Variants in VPS13B observed in about 807,000 individuals in gnomAD.
The protein encoded by VPS13B is vacuolar protein sorting 13 homolog B.
In VPS13B, 285 loss-of-function variants were observed where a neutral mutation model predicts 426.4. The ratio of observed to expected loss-of-function variants is 0.67; its 90% CI spans 0.61 to 0.74. The LOEUF is 0.74. VPS13B is among the 30% of genes least tolerant of loss of function. The pLI, the probability that VPS13B is intolerant of heterozygous loss-of-function variation, is 0.00. For synonymous variants in VPS13B, 1,676 were observed against 1,676.4 expected (o/e 1.00, Z 0.01); for missense variants, 4,537 against 4,782.6 (o/e 0.95, Z 1.51).
intron 39 of VPS13B, among the ~76,000 whole-genome samples, chr8:99,758,671 C>A (rs961600340): frequency 1.3e-5 from 2 of 152,050 alleles, no homozygotes; most frequent in Non-Finnish European, 2.9e-5. Flanking sequence ...TTCTAGTCAC[C>A]ACCCAAACTA....
chr8:99,661,728 T>TGGAA (rs1469790780), intron 35 of VPS13B, among the ~76,000 whole-genome samples: 1 of 152,180 alleles, frequency 6.6e-6, no homozygotes, highest in African/African-American at 2.4e-5. Context: ...AATAGTTGAC[T>TGGAA]GGAAGCCAAA....
chr8:99,525,729 A>G (rs1294459419), intron 30 of VPS13B, among the ~76,000 whole-genome samples: 1 of 152,206 alleles, frequency 6.6e-6, no homozygotes. Flanking sequence ...ATTACAAGCT[A>G]ATAAATAAAT....
chr8:99,124,749 GT>G (rs1281233402), intron 8 of VPS13B, among the ~76,000 whole-genome samples: 3 of 151,966 alleles, frequency 2.0e-5, no homozygotes, highest in Non-Finnish European at 4.4e-5. Flanking sequence ...GGGTGTGGTG[GT>G]GGGTACCTGT....
intron 20 of VPS13B, among the ~76,000 whole-genome samples, chr8:99,386,970 A>G (rs79957276): frequency 1.8e-3 from 278 of 152,290 alleles, no homozygotes; most frequent in African/African-American, 6.3e-3. Flanking sequence ...CCCCATCTCT[A>G]AAAATAATAA....
intron 21 of VPS13B, among the ~76,000 whole-genome samples, chr8:99,393,688 C>T (rs1220972079): frequency 2.6e-5 from 4 of 152,030 alleles, no homozygotes; most frequent in African/African-American, 4.8e-5. Flanking sequence ...TGAGCAGTCA[C>T]CAAAGGTAAA....
At chr8:99,875,109 A>G in intron 61 of VPS13B, 1 of 389,114 alleles carries the variant, frequency 2.6e-6, no homozygotes, top group South Asian at 2.5e-5. Context: ...AAGAACAATG[A>G]CAGATGTTTT....
chr8:99,852,140 C>T (rs1324337415), intron 55 of VPS13B, among the ~76,000 whole-genome samples: 1 of 152,126 alleles, frequency 6.6e-6, no homozygotes, highest in Admixed American at 6.5e-5. Context: ...GTCTGAGCAA[C>T]TGGTAGGATA....
At chr8:99,345,750 G>A (rs1811501869) in intron 19 of VPS13B, among the ~76,000 whole-genome samples, 1 of 152,114 alleles carries the variant, frequency 6.6e-6, no homozygotes, top group African/African-American at 2.4e-5. Flanking sequence ...TCTTTAGGTG[G>A]TAGTCTTGTC....
At chr8:99,162,228 G>T (rs1811698404) in intron 15 of VPS13B, among the ~76,000 whole-genome samples, 2 of 152,018 alleles carry the variant, frequency 1.3e-5, no homozygotes, top group South Asian at 4.2e-4. Flanking sequence ...CATATTACTT[G>T]GGTTGATTTT....
At chr8:99,193,294 G>C (rs1473873522) in intron 17 of VPS13B, among the ~76,000 whole-genome samples, 1 of 152,052 alleles carries the variant, frequency 6.6e-6, no homozygotes. Context: ...TTTTTCACCA[G>C]CTTCTTGTAT....
intron 4 of VPS13B, among the ~76,000 whole-genome samples, 155 bp downstream of exon 4, chr8:99,096,587 C>T (rs1170625282): frequency 6.6e-6 from 1 of 151,936 alleles, no homozygotes; most frequent in Non-Finnish European, 1.5e-5. Context: ...GAAGCCATGT[C>T]TCTGCTAAAA....
intron 19 of VPS13B, among the ~76,000 whole-genome samples, chr8:99,351,480 T>C (rs1368652612): frequency 1.3e-5 from 2 of 148,694 alleles, no homozygotes; most frequent in Non-Finnish European, 3.0e-5. Context: ...GTGTGTGTGT[T>C]TATTTTCATT....
intron 15 of VPS13B, 151 bp downstream of exon 15, chr8:99,156,894 A>G: frequency 1.6e-6 from 1 of 635,614 alleles, no homozygotes; most frequent in Non-Finnish European, 2.5e-6. Flanking sequence ...ATTCCAATAA[A>G]TTAAAGTAAG....
chr8:99,740,602 C>A (rs1809658147), intron 39 of VPS13B, among the ~76,000 whole-genome samples: 1 of 152,158 alleles, frequency 6.6e-6, no homozygotes, highest in Admixed American at 6.5e-5. Flanking sequence ...AAAGGGAAAC[C>A]CATCATGCTA....
intron 39 of VPS13B, among the ~76,000 whole-genome samples, chr8:99,735,167 TAA>T (rs1363059285): frequency 1.3e-5 from 2 of 151,968 alleles, no homozygotes; most frequent in Admixed American, 6.6e-5. Flanking sequence ...TCAGAAAAAG[TAA>T]AGAGTTCAAA....
chr8:99,252,746 G>A (rs1372060039), intron 17 of VPS13B, among the ~76,000 whole-genome samples: 1 of 151,842 alleles, frequency 6.6e-6, no homozygotes, highest in Non-Finnish European at 1.5e-5. Flanking sequence ...TCTTTTCAGA[G>A]GATTGGCTCT....
intron 31 of VPS13B, among the ~76,000 whole-genome samples, chr8:99,571,060 C>T (rs990452736): frequency 1.3e-5 from 2 of 152,154 alleles, no homozygotes; most frequent in African/African-American, 4.8e-5. Flanking sequence ...GTTTTTCTGG[C>T]CCTTCAGGGG....
intron 43 of VPS13B, among the ~76,000 whole-genome samples, chr8:99,789,365 G>A (rs1202848788): frequency 6.6e-6 from 1 of 152,142 alleles, no homozygotes; most frequent in Non-Finnish European, 1.5e-5. Context: ...AATACTCTGT[G>A]TTGCCAAAGC....
chr8:99,201,454 A>G (rs995760890), intron 17 of VPS13B, among the ~76,000 whole-genome samples: 1 of 152,174 alleles, frequency 6.6e-6, no homozygotes, highest in African/African-American at 2.4e-5. Flanking sequence ...AACTTCAAGC[A>G]TCAAAACTGC....
Sources: gnomAD v4.1 joint callset for allele counts (sites outside exome capture counted in the v4.1 genomes callset) on GRCh38, gnomAD v4.1.1 for gene constraint, MANE v1.5 for transcripts, NCBI Gene and HGNC (gene_info 2026-07-23, HGNC 2026-07-21) for gene names.